Variants in SLC24A2 observed in about 807,000 individuals in gnomAD.
The protein encoded by SLC24A2 is sodium/potassium/calcium exchanger 2.
In SLC24A2, 36 loss-of-function variants were observed where a neutral mutation model predicts 62.0. That is an observed-to-expected ratio of 0.58 (90% confidence interval 0.44 to 0.77). The LOEUF is 0.77. Ranked by LOEUF, SLC24A2 falls within the 30% of genes least tolerant of loss-of-function variation. SLC24A2 has a pLI of 0.00. For missense variants in SLC24A2, 846 were observed against 817.9 expected, an observed-to-expected ratio of 1.03 and a Z score of -0.42; for synonymous variants, 358 against 294.0, an observed-to-expected ratio of 1.22 and a Z score of -2.23.
chr9:20,019,123 AAG>A, the SLC24A2 span, among the ~76,000 whole-genome samples: 52 of 65,054 alleles, frequency 8.0e-4, 4 homozygotes, highest in Admixed American at 2.6e-4. Context: ...GAAAGAAAGA[AAG>A]AAAGAAAGAA....
At chr9:19,844,784 A>G in the SLC24A2 span, among the ~76,000 whole-genome samples, 22 of 151,950 alleles carry the variant, frequency 1.4e-4, no homozygotes, top group African/African-American at 4.6e-4. Context: ...TCATTTCCCT[A>G]TTGCTTATTT....
At chr9:20,164,896 A>T in the SLC24A2 span, among the ~76,000 whole-genome samples, 9 of 149,938 alleles carry the variant, frequency 6.0e-5, no homozygotes, top group Middle Eastern at 3.4e-3. Flanking sequence ...AACAAACGAA[A>T]CACCGCATAT....
chr9:20,021,633 A>G, the SLC24A2 span, among the ~76,000 whole-genome samples: 2 of 152,108 alleles, frequency 1.3e-5, no homozygotes, highest in African/African-American at 4.8e-5. Context: ...GGTTCAGTAT[A>G]ATCTCCTCTA....
chr9:19,579,609 A>G lies in SLC24A2; in HGVS notation c.1130-2587T>C, dbSNP rs530249741. Among the ~76,000 whole-genome samples, 32 of 152,338 alleles carry G rather than the reference A, an allele frequency of 2.1e-4. 1 individual carries two copies. In the South Asian group the frequency reaches 6.6e-3, roughly 32 times the overall value. ...GAAATATAGATGATCAATATTTGCT[A>G]TTGGAAAATTATCTGTAAGATAATA... On this transcript the variant is annotated intron_variant, in intron 5 of 10. Transcript: ENST00000341998.
At chr9:20,164,787 T>C in the SLC24A2 span, among the ~76,000 whole-genome samples, 2 of 150,940 alleles carry the variant, frequency 1.3e-5, no homozygotes, top group East Asian at 3.9e-4. Context: ...ATATACACCA[T>C]GGAATACTAT....
chr9:20,082,685 A>T, the SLC24A2 span, among the ~76,000 whole-genome samples: 5 of 152,352 alleles, frequency 3.3e-5, no homozygotes, highest in East Asian at 1.9e-4. Context: ...TCTGGAAAGG[A>T]AAGTGGAAGA....
the SLC24A2 span, among the ~76,000 whole-genome samples, chr9:19,931,945 T>G: frequency 6.6e-6 from 1 of 152,100 alleles, no homozygotes; most frequent in South Asian, 2.1e-4. Context: ...ATTTTTAGTT[T>G]TGAGTCTTAC....
At chr9:19,665,172 C>G (rs1357467886) in intron 2 of SLC24A2, among the ~76,000 whole-genome samples, 1 of 152,132 alleles carries the variant, frequency 6.6e-6, no homozygotes, top group Admixed American at 6.5e-5. Flanking sequence ...CACCATCTAT[C>G]TGAGGTGAGT....
At chr9:20,061,885 T>C in the SLC24A2 span, among the ~76,000 whole-genome samples, 5 of 151,968 alleles carry the variant, frequency 3.3e-5, 1 homozygote, top group East Asian at 9.7e-4. Flanking sequence ...ATTAAGGAAA[T>C]GAAAGGGCAA....
chr9:19,993,582 C>A, the SLC24A2 span, among the ~76,000 whole-genome samples: 1 of 152,132 alleles, frequency 6.6e-6, no homozygotes, highest in Non-Finnish European at 1.5e-5. Context: ...TTATAGAGTA[C>A]CTGCTACTAT....
At chr9:19,627,697 GA>G (rs897796405) in intron 2 of SLC24A2, among the ~76,000 whole-genome samples, 11 of 150,818 alleles carry the variant, frequency 7.3e-5, no homozygotes, top group South Asian at 2.1e-4. Flanking sequence ...AGATAATTAC[GA>G]AAAAAAAATT....
At chr9:19,905,770 T>G in the SLC24A2 span, among the ~76,000 whole-genome samples, 2 of 152,154 alleles carry the variant, frequency 1.3e-5, no homozygotes, top group Non-Finnish European at 2.9e-5. Flanking sequence ...GTTTAGTTCC[T>G]GAGGATCTGC....
chr9:19,669,416 C>T (rs1255704261), intron 2 of SLC24A2, among the ~76,000 whole-genome samples: 1 of 152,134 alleles, frequency 6.6e-6, no homozygotes, highest in African/African-American at 2.4e-5. Flanking sequence ...ACCGTGCTGT[C>T]CAAAATGTCA....
the SLC24A2 span, among the ~76,000 whole-genome samples, chr9:20,238,475 G>T: frequency 1.3e-5 from 2 of 152,154 alleles, no homozygotes; most frequent in Non-Finnish European, 2.9e-5. Context: ...AAGCAAAGGG[G>T]TTCATGCTTT....
chr9:19,856,910 G>A, the SLC24A2 span, among the ~76,000 whole-genome samples: 2 of 152,224 alleles, frequency 1.3e-5, no homozygotes, highest in African/African-American at 4.8e-5. Context: ...AGAGCCAGCA[G>A]GCAGGAAAGA....
At chr9:20,242,293 G>T in the SLC24A2 span, among the ~76,000 whole-genome samples, 2 of 152,202 alleles carry the variant, frequency 1.3e-5, no homozygotes, top group Admixed American at 6.5e-5. Flanking sequence ...GAGAAATAGG[G>T]CTAAAGAAAC....
rs1361812687 is a variant in SLC24A2, at chr9:19,516,240, G to T, written c.1899C>A (p.Gly633=). Residue 633 remains glycine, a synonymous_variant, in exon 11 of 11, where the codon GGC becomes GGA. Transcript: ENST00000341998. ...LCKWRMNKIL[G]FIMFGLYFVF... is the part of the protein sequence containing the mutation. The stretch of plus-strand genomic sequence containing the variant: ...CAAAGTAGAGGCCAAACATGATGAA[G>T]CCCAGGATTTTGTTCATTCGCCACT... 6.2e-7 allele frequency: 1 copy of T among 1,613,552 alleles called. No individual in the cohort carries two copies. The highest frequency in any genetic ancestry group is 8.5e-7 in the Non-Finnish European group (1 of 1,179,472).
chr9:19,885,950 A>C, the SLC24A2 span, among the ~76,000 whole-genome samples: 1 of 152,178 alleles, frequency 6.6e-6, no homozygotes, highest in South Asian at 2.1e-4. Context: ...ATGACTGCAT[A>C]GTATTCTATG....
At chr9:19,978,327 G>T in the SLC24A2 span, among the ~76,000 whole-genome samples, 1 of 152,062 alleles carries the variant, frequency 6.6e-6, no homozygotes, top group Non-Finnish European at 1.5e-5. Context: ...AGAGAGCCTT[G>T]GAAATGATAA....
Sources: gnomAD v4.1 joint callset for allele counts (sites outside exome capture counted in the v4.1 genomes callset) on GRCh38, gnomAD v4.1.1 for gene constraint, MANE v1.5 for transcripts, NCBI Gene and HGNC (gene_info 2026-07-23, HGNC 2026-07-21) for gene names.